Variants in SLC26A7 observed in about 807,000 individuals in gnomAD.
SLC26A7 encodes the protein solute carrier family 26 member 7, also known as anion exchange transporter.
A neutral mutation model predicts 82.5 loss-of-function variants in SLC26A7; 59 were observed. That is an observed-to-expected ratio of 0.72 (90% CI 0.58 to 0.89). The LOEUF is 0.89. Ranked by LOEUF, SLC26A7 falls within the 40% of genes least tolerant of loss-of-function variation. The pLI is 0.00. For missense variants in SLC26A7, 820 were observed against 793.0 expected, an observed-to-expected ratio of 1.03 and a Z score of -0.41; for synonymous variants, 271 against 274.3, an observed-to-expected ratio of 0.99 and a Z score of 0.12.
Position 91,332,024 on chromosome 8 carries a change from T to G in SLC26A7, c.643-2271T>G, listed in dbSNP as rs540604001. On this transcript the variant is annotated intron_variant, in intron 5 of 18. Coordinates refer to ENST00000276609, the MANE Select transcript of SLC26A7 (RefSeq NM_052832.4). ...GACTTCAGGTTTTATATTTAACCTC[T>G]TTTGATCTAGAATTTATTTTGTTCT... Among the ~76,000 whole-genome samples, 223 of 151,432 alleles carry G rather than the reference T, an allele frequency of 1.5e-3. 2 individuals carry two copies. The highest frequency in any genetic ancestry group is 5.3e-3 in the African/African-American group (220 of 41,430).
rs34667604 is a variant in SLC26A7, at chr8:91,397,469, G to A, written c.*2372G>A. ...ATATATGACAAACTACTTCTATAAT[G>A]CTTATTATGGTAAAATAAAATTGGA... is the stretch of plus-strand genomic sequence containing the variant. On this transcript the variant is annotated 3_prime_UTR_variant, in exon 19 of 19. Coordinates refer to ENST00000276609, the MANE Select transcript of SLC26A7 (RefSeq NM_052832.4). The A allele has an allele frequency of 0.081, 12,351 of 152,474 alleles. 652 individuals are homozygous for A. Among genetic ancestry groups the A allele is most frequent in the African/African-American group, 0.15 (6,293 of 41,472 alleles). The allele number at this position is 152,474 out of a possible 1,614,324, so 9.4% of individuals were successfully genotyped here. A position where few individuals can be genotyped will look rare whatever the true frequency, so the allele number is the denominator to read the frequency against.
intron 9 of SLC26A7, among the ~76,000 whole-genome samples, chr8:91,347,725 A>C (rs185870023): frequency 8.9e-4 from 136 of 152,290 alleles, no homozygotes; most frequent in African/African-American, 3.2e-3. Context: ...ATCATTTAAC[A>C]CCAAGTGCCA....
Position 91,277,168 on chromosome 8 carries a change from G to A in SLC26A7, c.194-11968G>A, listed in dbSNP as rs540421313. On this transcript the variant is annotated intron_variant, in intron 2 of 18. Coordinates refer to ENST00000276609, the MANE Select transcript of SLC26A7 (RefSeq NM_052832.4). The stretch of plus-strand genomic sequence containing the variant: ...CCCTCAGGAACCCCTCTTTCTTTGG[G>A]AATAAACTGCACACTTTCAAAATGT... Among the ~76,000 whole-genome samples the A allele has an allele frequency of 1.6e-3, 237 of 152,180 alleles. 2 individuals carry two copies. The highest frequency in any genetic ancestry group is 4.2e-3 in the South Asian group (20 of 4,816).
At chr8:91,322,937 C>T (rs1157415080) in intron 5 of SLC26A7, among the ~76,000 whole-genome samples, 2 of 152,030 alleles carry the variant, frequency 1.3e-5, no homozygotes, top group African/African-American at 4.8e-5. Flanking sequence ...AAAGGGGAAC[C>T]AAGAATGTTA....
intron 12 of SLC26A7, among the ~76,000 whole-genome samples, chr8:91,362,855 G>A (rs1188135292): frequency 1.3e-5 from 2 of 151,926 alleles, no homozygotes; most frequent in African/African-American, 4.8e-5. Context: ...TTATTTTTCA[G>A]AAGTCAGATT....
intron 2 of SLC26A7, among the ~76,000 whole-genome samples, chr8:91,236,995 A>T (rs1176188141): frequency 6.6e-6 from 1 of 152,230 alleles, no homozygotes; most frequent in Non-Finnish European, 1.5e-5. Context: ...CCGAACTTGC[A>T]GAAGATTACA....
In SLC26A7 at chr8:91,289,216, A is replaced by G. The variant is rs139913412; in HGVS notation, c.274A>G (p.Ile92Val). Residue 92 changes from isoleucine (I) to valine (V), a missense_variant, in exon 3 of 19, where the codon ATA (isoleucine) becomes GTA (valine). Transcript: ENST00000276609. ...GSLFPAIIYA[I>V]FGMGHHVATG... ...TCTGTTTCCTGCCATAATTTATGCC[A>G]TATTTGGAATGGGACATCATGTTGC... The G allele has an allele frequency of 6.2e-7, 1 of 1,613,744 alleles. No homozygotes were observed.
chr8:91,369,987 C>T (rs1814308779), intron 15 of SLC26A7, among the ~76,000 whole-genome samples, 154 bp downstream of exon 15: 1 of 151,924 alleles, frequency 6.6e-6, no homozygotes, highest in Non-Finnish European at 1.5e-5. Flanking sequence ...TACTCTCCTC[C>T]TCCCTTCTAC....
Position 91,393,925 on chromosome 8 carries a change from C to T in SLC26A7, c.1832-11C>T, listed in dbSNP as rs761673837. On this transcript the variant is annotated splice_polypyrimidine_tract_variant and intron_variant, in intron 17 of 18. Transcript: ENST00000276609. ...CACATGTATTCTTATATCACTTGTG[C>T]TTTCTTGAAGCTTCCTTGATAAAAG... is the stretch of plus-strand genomic sequence containing the variant. 6.2e-6 allele frequency: 10 copies of T among 1,612,938 alleles called. No homozygotes were observed. Among genetic ancestry groups the T allele is most frequent in the Non-Finnish European group, 8.5e-6 (10 of 1,179,138 alleles).
At chr8:91,212,866 C>T (rs1170230199) in intron 1 of SLC26A7, among the ~76,000 whole-genome samples, 2 of 151,762 alleles carry the variant, frequency 1.3e-5, no homozygotes, top group Non-Finnish European at 3.0e-5. Flanking sequence ...TTGTTTTATT[C>T]CAAAAATAAC....
intron 3 of SLC26A7, among the ~76,000 whole-genome samples, chr8:91,294,961 G>A (rs1024425475): frequency 1.3e-5 from 2 of 152,148 alleles, no homozygotes; most frequent in African/African-American, 4.8e-5. Flanking sequence ...ATCTGGGATG[G>A]ACCCTTATTA....
At chr8:91,349,194 A>C (rs1813648336) in intron 9 of SLC26A7, among the ~76,000 whole-genome samples, 1 of 152,184 alleles carries the variant, frequency 6.6e-6, no homozygotes, top group Non-Finnish European at 1.5e-5. Flanking sequence ...CTTTTGACCA[A>C]GGGCATCAAC....
intron 5 of SLC26A7, among the ~76,000 whole-genome samples, chr8:91,330,237 A>G (rs188525285): frequency 6.6e-6 from 1 of 152,234 alleles, no homozygotes; most frequent in East Asian, 1.9e-4. Flanking sequence ...CACTTAATTG[A>G]GTACATTTTC....
chr8:91,344,931 CA>C (rs1813519421), intron 9 of SLC26A7, among the ~76,000 whole-genome samples: 1 of 151,586 alleles, frequency 6.6e-6, no homozygotes, highest in Non-Finnish European at 1.5e-5. Context: ...GATCCTATAG[CA>C]GTTTTTTTTT....
chr8:91,287,985 C>A (rs1434940669), intron 2 of SLC26A7, among the ~76,000 whole-genome samples: 1 of 152,112 alleles, frequency 6.6e-6, no homozygotes, highest in East Asian at 1.9e-4. Context: ...AAACAAGCAA[C>A]CCAGATGGTT....
At chr8:91,298,201 C>T (rs1356115177) in intron 4 of SLC26A7, among the ~76,000 whole-genome samples, 1 of 151,930 alleles carries the variant, frequency 6.6e-6, no homozygotes, top group Non-Finnish European at 1.5e-5. Context: ...TTTGCCTTCT[C>T]TTCTTGTAAC....
At chr8:91,369,926 C>A in intron 15 of SLC26A7, 93 bp downstream of exon 15, 1 of 938,776 alleles carries the variant, frequency 1.1e-6, no homozygotes, top group Non-Finnish European at 1.7e-6. Context: ...TCCTCATCTG[C>A]CTCCCTCTTC....
chr8:91,244,011 A>C (rs775399251), intron 2 of SLC26A7, among the ~76,000 whole-genome samples: 6 of 152,248 alleles, frequency 3.9e-5, no homozygotes, highest in Non-Finnish European at 7.3e-5. Flanking sequence ...AGAGAGACAG[A>C]ATCATAATCT....
chr8:91,350,741 T>G (rs1813690778), intron 9 of SLC26A7, among the ~76,000 whole-genome samples: 1 of 152,166 alleles, frequency 6.6e-6, no homozygotes, highest in African/African-American at 2.4e-5. Flanking sequence ...ATATTTTAGT[T>G]ATTTATGATT....
Sources: allele counts gnomAD v4.1 joint callset (sites outside exome capture counted in the v4.1 genomes callset), GRCh38; gene constraint gnomAD v4.1.1; transcripts MANE v1.5; gene names NCBI Gene and HGNC (gene_info 2026-07-23, HGNC 2026-07-21).